The following TEX47 variants were observed in gnomAD, a reference collection of about 807,000 sequenced individuals.
The protein encoded by TEX47 is testis-expressed protein 47.
A neutral mutation model predicts 18.0 loss-of-function variants in TEX47; 18 were observed. The ratio of observed to expected loss-of-function variants is 1.00; its 90% CI spans 0.69 to 1.48. The LOEUF is 1.48. TEX47 is among the 40% of genes most tolerant of loss of function. The probability of loss-of-function intolerance (pLI) is 0.00; values close to 1 mark genes in which losing one functional copy is unlikely to be tolerated. For missense variants in TEX47, 303 were observed against 300.2 expected, an observed-to-expected ratio of 1.01 and a Z score of -0.07; for synonymous variants, 98 against 109.4, an observed-to-expected ratio of 0.90 and a Z score of 0.65.
In TEX47 at chr7:88,794,950, C is replaced by G; in HGVS notation, c.-8G>C. 1 of 1,541,786 alleles carries G rather than the reference C, an allele frequency of 6.5e-7. No individual in the cohort carries two copies. Among genetic ancestry groups the G allele is most frequent in the Non-Finnish European group, 8.7e-7 (1 of 1,150,570 alleles). ...ATGGACCGAAAAGGACATGAGGAGT[C>G]TTATTTATTTTTCCAGATGATTCCA... On this transcript the variant is annotated 5_prime_UTR_variant, in exon 2 of 2. Transcript: ENST00000297203.
At position 88,794,929 on chromosome 7, in the gene TEX47, A is replaced by G. The variant is rs1461813039; in HGVS notation, c.14T>C (p.Val5Ala). The G allele has an allele frequency of 6.3e-7, 1 of 1,587,846 alleles. No individual in the cohort carries two copies. The highest frequency in any genetic ancestry group is 8.5e-7 in the Non-Finnish European group (1 of 1,171,778). ...CCTTTTGCTGCCCTTCTGGTTATGG[A>G]CCGAAAAGGACATGAGGAGTCTTAT... MSFS[V>A]HNQKGSKRPL... Residue 5 changes from valine to alanine, a missense_variant, in exon 2 of 2, where the codon GTC becomes GCC. Physicochemically the swap from Val to Ala is moderately conservative, Grantham distance 64 (BLOSUM62 0). Coordinates refer to ENST00000297203, the MANE Select transcript of TEX47 (RefSeq NM_152706.4).
rs781243611 is a variant in TEX47, at chr7:88,794,855, A to G, written c.88T>C (p.Tyr30His). 6 of 1,613,532 alleles carry G rather than the reference A, an allele frequency of 3.7e-6. No homozygotes were observed. Among genetic ancestry groups the G allele is most frequent in the African/African-American group, 1.3e-5 (1 of 74,896 alleles). Residue 30 changes from tyrosine to histidine, a missense_variant, in exon 2 of 2, where the codon TAC (tyrosine) becomes CAC (histidine). Tyr to His is a moderately conservative substitution (Grantham distance 83). Transcript: ENST00000297203. ...LLFLQVPRSN[Y>H]LHFQEEKQRL... ...TGTTTCTCTTCTTGAAAGTGCAGGT[A>G]ATTGCTACGTGGGACTTGGAGAAAA...
In TEX47 at chr7:88,794,298, C is replaced by G; in HGVS notation, c.645G>C (p.Lys215Asn). Residue 215 changes from lysine (K) to asparagine (N), a missense_variant, in exon 2 of 2, where the codon AAG becomes AAC. Lys to Asn is a moderately conservative substitution (Grantham distance 94). Transcript: ENST00000297203. ...PDLLLPEQII[K>N]YLCKSEEFMD... The stretch of plus-strand genomic sequence containing the variant: ...TGAATTCTTCGGATTTGCACAAGTA[C>G]TTTATGATTTGTTCTGGGAGGAGTA... The G allele has an allele frequency of 6.2e-7, 1 of 1,613,796 alleles. No homozygotes were observed. The highest frequency in any genetic ancestry group is 8.5e-7 in the Non-Finnish European group (1 of 1,179,870).
rs759145677 is a variant in TEX47, at chr7:88,794,897, G to A, written c.46C>T (p.Pro16Ser). 5 of 1,608,574 alleles carry A rather than the reference G, an allele frequency of 3.1e-6. No homozygotes were observed. In the African/African-American group the frequency reaches 5.4e-5, roughly 17 times the overall value. ...TGGAGAAAAAGAAGAGGTTCCAGTG[G>A]CAAAGGCCTTTTGCTGCCCTTCTGG... ...HNQKGSKRPL[P>S]LEPLLFLQVP... The change falls in exon 2 of 2, where the codon CCA (proline) becomes TCA (serine). Residue 16 changes from proline to serine, a missense_variant. Transcript: ENST00000297203.
chr7:88,794,812 T>A lies in TEX47; in HGVS notation c.131A>T (p.Lys44Ile). 6.2e-7 allele frequency: 1 copy of A among 1,613,816 alleles called. No homozygotes were observed. The highest frequency in any genetic ancestry group is 8.5e-7 in the Non-Finnish European group (1 of 1,179,806). ...TAGAAACATCCTATCAAGAAGGAAT[T>A]TCTTTAGGTGTAGTCGTTGTTTCTC... is the stretch of plus-strand genomic sequence containing the variant. ...QEEKQRLHLK[K>I]FLLDRMFLVA... Residue 44 changes from lysine to isoleucine, a missense_variant, in exon 2 of 2, where the codon AAA (lysine) becomes ATA (isoleucine). Physicochemically the swap from Lys to Ile is moderately radical, Grantham distance 102. Transcript: ENST00000297203.
In TEX47 at chr7:88,794,907, T is replaced by A. The variant is rs200802688; in HGVS notation, c.36A>T (p.Lys12Asn). The A allele has an allele frequency of 1.2e-4, 199 of 1,604,616 alleles. 2 individuals carry two copies. The Admixed American group carries it at 3.4e-3, about 27-fold the overall frequency. Reference sequence around the variant, plus strand: ...GAAGAGGTTCCAGTGGCAAAGGCCTTTTGCTGCCCTTCTGGTTATGGACCG... The same window carrying A: ...GAAGAGGTTCCAGTGGCAAAGGCCTATTGCTGCCCTTCTGGTTATGGACCG... ...SFSVHNQKGS[K>N]RPLPLEPLLF... Residue 12 changes from lysine (K) to asparagine (N), a missense_variant, in exon 2 of 2, where the codon AAA (lysine) becomes AAT (asparagine). Transcript: ENST00000297203.
Position 88,795,034 on chromosome 7 carries a change from G to T in TEX47, c.-92C>A. On this transcript the variant is annotated 5_prime_UTR_variant, in exon 2 of 2. Coordinates refer to ENST00000297203, the MANE Select transcript of TEX47 (RefSeq NM_152706.4). ...GGTACCTCTTTACTGATGAACTCGT[G>T]TTTTTATTTCTTCTGACAAAAAAAA... is the stretch of plus-strand genomic sequence containing the variant. 18 of 1,039,482 alleles carry T rather than the reference G, an allele frequency of 1.7e-5. No homozygotes were observed. The South Asian group carries it at 1.8e-4, about 11-fold the overall frequency. The allele number at this position is 1,039,482 out of a possible 1,614,324, so 64.4% of individuals were successfully genotyped here.
Position 88,794,123 on chromosome 7 carries a change from T to A in TEX47, c.*58A>T, listed in dbSNP as rs753441105. On this transcript the variant is annotated 3_prime_UTR_variant, in exon 2 of 2. Transcript: ENST00000297203. ...GACACCAGTAACTTTAAAAATGTTT[T>A]TTTTATTTAAGTAGCACAAACTCCT... 7.1e-7 allele frequency: 1 copy of A among 1,416,996 alleles called. No individual in the cohort carries two copies. Among genetic ancestry groups the A allele is most frequent in the Non-Finnish European group, 9.5e-7 (1 of 1,056,516 alleles). The allele number at this position is 1,416,996 out of a possible 1,614,324, so 87.8% of individuals were successfully genotyped here. A position where few individuals can be genotyped will look rare whatever the true frequency, so the allele number is the denominator to read the frequency against.
chr7:88,795,634 A>G lies in TEX47; in HGVS notation c.-105+6T>C, dbSNP rs1790468863. 6.6e-6 allele frequency: 1 copy of G among 151,870 alleles called. No individual in the cohort carries two copies. The highest frequency in any genetic ancestry group is 2.1e-4 in the South Asian group (1 of 4,820). 9.4% of individuals were successfully genotyped at this position (151,870 alleles called of 1,614,324 possible). Reference sequence around the variant, plus strand: ...CTCCTCAATTTTTTTTTCCAGGTCAACTTACCATTTTTCTTTTTTTTCCTG... The same window carrying G: ...CTCCTCAATTTTTTTTTCCAGGTCAGCTTACCATTTTTCTTTTTTTTCCTG... On this transcript the variant is annotated splice_donor_region_variant and intron_variant, in intron 1 of 1. Coordinates refer to ENST00000297203, the MANE Select transcript of TEX47 (RefSeq NM_152706.4).
Position 88,795,369 on chromosome 7 carries a change from G to T in TEX47, c.-105+271C>A, listed in dbSNP as rs1442388739. On this transcript the variant is annotated intron_variant, in intron 1 of 1. Transcript: ENST00000297203. ...TATAACTTTTAAAAAAAAATCCAAG[G>T]CTTTTTAAGTCCTAATTAGCTTATG... Among the ~76,000 whole-genome samples, 6 of 151,556 alleles carry T rather than the reference G, an allele frequency of 4.0e-5. No individual in the cohort carries two copies. In the East Asian group the frequency reaches 7.7e-4, roughly 20 times the overall value.
Position 88,794,827 on chromosome 7 carries a change from C to T in TEX47, c.116G>A (p.Arg39Gln), listed in dbSNP as rs141995683. 161 of 1,613,720 alleles carry T rather than the reference C, an allele frequency of 1.0e-4. No individual in the cohort carries two copies. The highest frequency in any genetic ancestry group is 1.3e-4 in the Non-Finnish European group (151 of 1,179,792). Reference protein sequence around the residue: ...NYLHFQEEKQRLHLKKFLLDR... With the variant: ...NYLHFQEEKQQLHLKKFLLDR... ...AAGAAGGAATTTCTTTAGGTGTAGT[C>T]GTTGTTTCTCTTCTTGAAAGTGCAG... The change falls in exon 2 of 2, where the codon CGA (arginine) becomes CAA (glutamine). Residue 39 changes from arginine (R) to glutamine (Q), a missense_variant. Coordinates refer to ENST00000297203, the MANE Select transcript of TEX47 (RefSeq NM_152706.4).
intron 1 of TEX47, 69 bp downstream of exon 1, chr7:88,795,571 A>C (rs1341838589): frequency 1.3e-5 from 2 of 152,084 alleles, no homozygotes; most frequent in Non-Finnish European, 2.9e-5. Flanking sequence ...GGGCTACATG[A>C]AAGTATTCTG....
At chr7:88,795,406 C>A (rs1252813310) in intron 1 of TEX47, among the ~76,000 whole-genome samples, 1 of 151,994 alleles carries the variant, frequency 6.6e-6, no homozygotes, top group Non-Finnish European at 1.5e-5. Flanking sequence ...AACCTTTAGT[C>A]ATGTCACTAA....
rs1790456936 is a variant in TEX47, at chr7:88,795,010, G to A, written c.-68C>T. The A allele has an allele frequency of 5.8e-6, 8 of 1,373,540 alleles. No individual in the cohort carries two copies. Among genetic ancestry groups the A allele is most frequent in the Non-Finnish European group, 7.8e-6 (8 of 1,024,808 alleles). The allele number at this position is 1,373,540 out of a possible 1,614,324, so 85.1% of individuals were successfully genotyped here. ...TTATCATAATATTTATGCTGCCAGG[G>A]TACCTCTTTACTGATGAACTCGTGT... is the stretch of plus-strand genomic sequence containing the variant. On this transcript the variant is annotated 5_prime_UTR_variant, in exon 2 of 2. Coordinates refer to ENST00000297203, the MANE Select transcript of TEX47 (RefSeq NM_152706.4).
rs1226326431 is a variant in TEX47, at chr7:88,794,866, G to A, written c.77C>T (p.Pro26Leu). The change falls in exon 2 of 2, where the codon CCA becomes CTA. Residue 26 changes from proline to leucine, a missense_variant. Physicochemically the swap from Pro to Leu is moderately conservative, Grantham distance 98. Transcript: ENST00000297203. ...TTGAAAGTGCAGGTAATTGCTACGT[G>A]GGACTTGGAGAAAAAGAAGAGGTTC... ...PLEPLLFLQV[P>L]RSNYLHFQEE... 1 of 1,612,620 alleles carries A rather than the reference G, an allele frequency of 6.2e-7. No individual in the cohort carries two copies. The highest frequency in any genetic ancestry group is 1.3e-5 in the African/African-American group (1 of 74,908).
At chr7:88,795,203 G>A (rs929120350) in intron 1 of TEX47, among the ~76,000 whole-genome samples, 157 bp from the exon 2 acceptor site, 4 of 152,016 alleles carry the variant, frequency 2.6e-5, no homozygotes. Context: ...AGTTTACAAC[G>A]AAAGAGTTAA....
rs1586905913 is a variant in TEX47, at chr7:88,795,009, G to T, written c.-67C>A. 1.4e-6 allele frequency: 2 copies of T among 1,379,940 alleles called. No individual in the cohort carries two copies. Among genetic ancestry groups the T allele is most frequent in the South Asian group, 1.6e-5 (1 of 61,678 alleles). 85.5% of individuals were successfully genotyped at this position (1,379,940 alleles called of 1,614,324 possible). On this transcript the variant is annotated 5_prime_UTR_variant, in exon 2 of 2. Coordinates refer to ENST00000297203, the MANE Select transcript of TEX47 (RefSeq NM_152706.4). ...CTTATCATAATATTTATGCTGCCAG[G>T]GTACCTCTTTACTGATGAACTCGTG...
chr7:88,794,159 G>A lies in TEX47; in HGVS notation c.*22C>T, dbSNP rs1334731307. 1.3e-6 allele frequency: 2 copies of A among 1,567,892 alleles called. No homozygotes were observed. The highest frequency in any genetic ancestry group is 8.6e-7 in the Non-Finnish European group (1 of 1,156,536). On this transcript the variant is annotated 3_prime_UTR_variant, in exon 2 of 2. Coordinates refer to ENST00000297203, the MANE Select transcript of TEX47 (RefSeq NM_152706.4). The stretch of plus-strand genomic sequence containing the variant: ...GTAGCACAAACTCCTTAAGAGACAT[G>A]GGCACATTATCCCTCTCAATCCTAG...
chr7:88,795,677 T>A lies in TEX47; in HGVS notation c.-142A>T, dbSNP rs1790470014. 1 of 152,136 alleles carries A rather than the reference T, an allele frequency of 6.6e-6. No individual in the cohort carries two copies. Among genetic ancestry groups the A allele is most frequent in the Non-Finnish European group, 1.5e-5 (1 of 68,054 alleles). The allele number at this position is 152,136 out of a possible 1,614,324, so 9.4% of individuals were successfully genotyped here. A position where few individuals can be genotyped will look rare whatever the true frequency, so the allele number is the denominator to read the frequency against. Reference sequence around the variant, plus strand: ...TTTTCCTGTGCTTCTGTCACGCACCTGTCCTCGAGGCCCTACTTGTCCTCC... The same window carrying A: ...TTTTCCTGTGCTTCTGTCACGCACCAGTCCTCGAGGCCCTACTTGTCCTCC... On this transcript the variant is annotated 5_prime_UTR_variant, in exon 1 of 2. Coordinates refer to ENST00000297203, the MANE Select transcript of TEX47 (RefSeq NM_152706.4).
Sources: allele counts gnomAD v4.1 joint callset (sites outside exome capture counted in the v4.1 genomes callset), GRCh38; gene constraint gnomAD v4.1.1; transcripts MANE v1.5; gene names NCBI Gene and HGNC (gene_info 2026-07-23, HGNC 2026-07-21).